The following DIAPH3 variants were observed in gnomAD, a reference collection of about 807,000 sequenced individuals.
DIAPH3 encodes diaphanous related formin 3, also known as protein diaphanous homolog 3.
In DIAPH3, 117 loss-of-function variants were observed where a neutral mutation model predicts 144.3. The ratio of observed to expected loss-of-function variants is 0.81; its 90% CI spans 0.70 to 0.95. The LOEUF is 0.95. DIAPH3 is among the 40% of genes least tolerant of loss of function. The pLI, the probability that DIAPH3 is intolerant of heterozygous loss-of-function variation, is 0.00. For missense variants in DIAPH3, 1,421 were observed against 1,412.7 expected, an observed-to-expected ratio of 1.01 and a Z score of -0.09; for synonymous variants, 519 against 488.9, an observed-to-expected ratio of 1.06 and a Z score of -0.81.
chr13:60,058,456 A>G (rs750306375), intron 4 of DIAPH3, among the ~76,000 whole-genome samples: 1 of 152,036 alleles, frequency 6.6e-6, no homozygotes, highest in Non-Finnish European at 1.5e-5. Context: ...TTAAATTAGT[A>G]CAACCTTCAT....
At chr13:60,013,241 T>C (rs1475808493) in intron 7 of DIAPH3, 6 of 983,608 alleles carry the variant, frequency 6.1e-6, no homozygotes, top group Non-Finnish European at 7.2e-6. Context: ...TATTATTAGC[T>C]AATAGATGGA....
At chr13:59,730,425 C>G (rs1375154839) in intron 27 of DIAPH3, among the ~76,000 whole-genome samples, 1 of 151,894 alleles carries the variant, frequency 6.6e-6, no homozygotes, top group Non-Finnish European at 1.5e-5. Flanking sequence ...GCAAACAAAA[C>G]AAAAGGAAAT....
intron 1 of DIAPH3, among the ~76,000 whole-genome samples, chr13:60,162,082 C>T (rs1423654035): frequency 6.6e-6 from 1 of 152,120 alleles, no homozygotes; most frequent in Non-Finnish European, 1.5e-5. Flanking sequence ...TGTTTTTTAC[C>T]TTTACAGCTT....
At chr13:59,830,838 T>C (rs979189846) in intron 24 of DIAPH3, among the ~76,000 whole-genome samples, 1 of 151,956 alleles carries the variant, frequency 6.6e-6, no homozygotes, top group African/African-American at 2.4e-5. Context: ...TTTACATAGT[T>C]GGGATCTGGA....
Position 59,900,446 on chromosome 13 carries a change from C to A in DIAPH3, c.2367+11289G>T, listed in dbSNP as rs2046366902. Among the ~76,000 whole-genome samples the A allele has an allele frequency of 3.3e-5, 5 of 152,186 alleles. No individual in the cohort carries two copies. In the South Asian group the frequency reaches 8.3e-4, roughly 25 times the overall value. ...CAAATGCCAAATATCCCTCTCACCC[C>A]AACTCATGGTTAGTTTTTGAAACAA... On this transcript the variant is annotated intron_variant, in intron 20 of 27. Coordinates refer to ENST00000400324, the MANE Select transcript of DIAPH3 (RefSeq NM_001042517.2).
At chr13:60,086,915 G>A (rs535257404) in intron 4 of DIAPH3, among the ~76,000 whole-genome samples, 51 of 151,986 alleles carry the variant, frequency 3.4e-4, no homozygotes, top group Non-Finnish European at 6.5e-4. Context: ...TCACCCCTTG[G>A]TATCCATGGG....
chr13:59,904,350 T>A (rs1322983828), intron 20 of DIAPH3, among the ~76,000 whole-genome samples: 21 of 152,230 alleles, frequency 1.4e-4, no homozygotes, highest in Admixed American at 1.4e-3. Flanking sequence ...ATTTCATGGA[T>A]GTTTTCATAT....
rs375366005 is a variant in DIAPH3 at position 59,762,183 on chromosome 13, G to A, written c.3319+12006C>T. Among the ~76,000 whole-genome samples, 21 of 148,042 alleles carry A rather than the reference G, an allele frequency of 1.4e-4. No homozygotes were observed. In the South Asian group the frequency reaches 3.3e-3, roughly 23 times the overall value. ...AAGCGATTCCCCTGCCTCAGCCTCCGGACGAGTAGCTGGGACTACAGGTGT... is the reference window on the plus strand; with the variant it reads ...AAGCGATTCCCCTGCCTCAGCCTCCAGACGAGTAGCTGGGACTACAGGTGT... On this transcript the variant is annotated intron_variant, in intron 27 of 27. Transcript: ENST00000400324.
chr13:59,904,360 T>C (rs1281485290), intron 20 of DIAPH3, among the ~76,000 whole-genome samples: 1 of 152,244 alleles, frequency 6.6e-6, no homozygotes, highest in African/African-American at 2.4e-5. Context: ...TGTTTTCATA[T>C]GTCAAAATTA....
At position 59,793,977 on chromosome 13, in the gene DIAPH3, C is replaced by G. The variant is rs369222027; in HGVS notation, c.3163+16811G>C. Among the ~76,000 whole-genome samples the G allele has an allele frequency of 3.9e-5, 6 of 152,264 alleles. No individual in the cohort carries two copies. The East Asian group carries it at 9.7e-4, about 24-fold the overall frequency. ...ACTTACAATTTTTTGACTTTACAAT[C>G]AAGCAAAGCAATACACATTCAACAG... On this transcript the variant is annotated intron_variant, in intron 25 of 27. Coordinates refer to ENST00000400324, the MANE Select transcript of DIAPH3 (RefSeq NM_001042517.2).
At chr13:59,812,644 G>A (rs2040546698) in intron 24 of DIAPH3, among the ~76,000 whole-genome samples, 1 of 152,154 alleles carries the variant, frequency 6.6e-6, no homozygotes, top group South Asian at 2.1e-4. Flanking sequence ...GGTAAGTGAT[G>A]ATCTAGAACA....
intron 3 of DIAPH3, among the ~76,000 whole-genome samples, chr13:60,103,960 T>C (rs1364218076): frequency 6.6e-6 from 1 of 152,154 alleles, no homozygotes; most frequent in African/African-American, 2.4e-5. Flanking sequence ...AATGGCTTAG[T>C]GCCAAATAAA....
chr13:60,029,184 G>A (rs1167909160), intron 5 of DIAPH3, among the ~76,000 whole-genome samples: 4 of 150,458 alleles, frequency 2.7e-5, no homozygotes, highest in African/African-American at 7.4e-5. Flanking sequence ...TGTTATTCTC[G>A]ATTCCTCCTT....
chr13:59,806,800 AATG>A (rs2040221169), intron 25 of DIAPH3, among the ~76,000 whole-genome samples: 1 of 152,044 alleles, frequency 6.6e-6, no homozygotes, highest in African/African-American at 2.4e-5. Flanking sequence ...TAATAATAGA[AATG>A]ATAACACATA....
At chr13:59,890,912 C>T (rs2045749769) in intron 20 of DIAPH3, among the ~76,000 whole-genome samples, 1 of 151,972 alleles carries the variant, frequency 6.6e-6, no homozygotes, top group Admixed American at 6.6e-5. Context: ...TAAAACTGAA[C>T]TTTACGGACC....
chr13:59,782,451 G>T (rs1048420274), intron 25 of DIAPH3, among the ~76,000 whole-genome samples: 13 of 152,140 alleles, frequency 8.5e-5, no homozygotes, highest in Admixed American at 7.9e-4. Flanking sequence ...GATTGCCTCT[G>T]GGAAGTGGGA....
chr13:59,950,443 A>T (rs2049039683), intron 17 of DIAPH3, among the ~76,000 whole-genome samples: 1 of 152,178 alleles, frequency 6.6e-6, no homozygotes, highest in South Asian at 2.1e-4. Flanking sequence ...GATAAACATC[A>T]GACACTGCCC....
rs2033119332 is a variant in DIAPH3 at position 59,684,628 on chromosome 13, C to T, written c.3320-17782G>A. On this transcript the variant is annotated intron_variant, in intron 27 of 27. Coordinates refer to ENST00000400324, the MANE Select transcript of DIAPH3 (RefSeq NM_001042517.2). ...AGTACAAATCATACTCATCACAAAT[C>T]TTGAAAGTGGCTGGGTTTGGGCCTC... Among the ~76,000 whole-genome samples, 3 of 152,268 alleles carry T rather than the reference C, an allele frequency of 2.0e-5. No homozygotes were observed. In the South Asian group the frequency reaches 6.2e-4, roughly 32 times the overall value.
At chr13:59,776,696 C>G (rs1342369230) in intron 25 of DIAPH3, among the ~76,000 whole-genome samples, 2 of 151,910 alleles carry the variant, frequency 1.3e-5, no homozygotes, top group Admixed American at 1.3e-4. Flanking sequence ...GGGAAAAAAA[C>G]TATAAAGAAA....
Sources: gnomAD v4.1 joint callset for allele counts (sites outside exome capture counted in the v4.1 genomes callset) on GRCh38, gnomAD v4.1.1 for gene constraint, MANE v1.5 for transcripts, NCBI Gene and HGNC (gene_info 2026-07-23, HGNC 2026-07-21) for gene names.